Variants in NKAIN2 observed in about 807,000 individuals in gnomAD.
NKAIN2 encodes sodium/potassium transporting ATPase interacting 2.
NKAIN2 carries 14 observed loss-of-function variants against 32.6 expected under a neutral mutation model. The observed-to-expected ratio is 0.43, with a 90% CI of 0.28 to 0.67. NKAIN2 has a LOEUF of 0.67. Among genes scored for constraint, NKAIN2 ranks in the 30% least tolerant of loss-of-function variants. NKAIN2 has a pLI of 0.17. For synonymous variants in NKAIN2, 80 were observed against 87.2 expected (o/e 0.92, Z 0.46); for missense variants, 198 against 258.3 (o/e 0.77, Z 1.60).
chr6:124,110,633 A>C (rs761909487), intron 1 of NKAIN2, among the ~76,000 whole-genome samples: 4 of 152,102 alleles, frequency 2.6e-5, no homozygotes, highest in Non-Finnish European at 4.4e-5. Flanking sequence ...ACGTATCAGT[A>C]AGAACATGTA....
At chr6:124,199,418 A>C (rs1790498411) in intron 1 of NKAIN2, among the ~76,000 whole-genome samples, 1 of 152,152 alleles carries the variant, frequency 6.6e-6, no homozygotes, top group Non-Finnish European at 1.5e-5. Flanking sequence ...TTCTGCTTCA[A>C]GGATGACCAG....
At chr6:123,915,056 A>T (rs1037823104) in intron 1 of NKAIN2, among the ~76,000 whole-genome samples, 1 of 152,152 alleles carries the variant, frequency 6.6e-6, no homozygotes, top group African/African-American at 2.4e-5. Flanking sequence ...TATGTGTTCT[A>T]AGGTTTAAAA....
intron 1 of NKAIN2, among the ~76,000 whole-genome samples, chr6:124,102,786 T>A (rs951113701): frequency 1.4e-4 from 21 of 152,236 alleles, no homozygotes; most frequent in Non-Finnish European, 2.6e-4. Flanking sequence ...GTTTAAACAA[T>A]CCTTGCTTCA....
intron 2 of NKAIN2, among the ~76,000 whole-genome samples, chr6:124,344,050 G>A (rs1402412692): frequency 1.3e-5 from 2 of 152,008 alleles, no homozygotes; most frequent in Admixed American, 6.6e-5. Context: ...TTCTCCATAT[G>A]GCTAGCCAGT....
At chr6:124,172,622 C>G (rs1051961703) in intron 1 of NKAIN2, among the ~76,000 whole-genome samples, 1 of 152,014 alleles carries the variant, frequency 6.6e-6, no homozygotes, top group Non-Finnish European at 1.5e-5. Context: ...AGTATATATT[C>G]TTGTGGAAGG....
intron 4 of NKAIN2, among the ~76,000 whole-genome samples, chr6:124,729,838 G>T (rs1241261463): frequency 6.6e-6 from 1 of 151,832 alleles, no homozygotes; most frequent in Non-Finnish European, 1.5e-5. Flanking sequence ...ATCTCCTTAA[G>T]CTGATAAGCA....
At chr6:124,259,138 T>C (rs1412907838) in intron 1 of NKAIN2, among the ~76,000 whole-genome samples, 2 of 152,224 alleles carry the variant, frequency 1.3e-5, no homozygotes, top group African/African-American at 4.8e-5. Flanking sequence ...TCTGGTCTAC[T>C]GGCCTTTTGT....
intron 3 of NKAIN2, among the ~76,000 whole-genome samples, chr6:124,494,803 A>T (rs1778002042): frequency 6.6e-6 from 1 of 152,122 alleles, no homozygotes; most frequent in South Asian, 2.1e-4. Flanking sequence ...CTTTGATTGA[A>T]AAATTCCTAA....
intron 3 of NKAIN2, among the ~76,000 whole-genome samples, chr6:124,538,025 C>T (rs1421280559): frequency 6.6e-6 from 1 of 152,078 alleles, no homozygotes; most frequent in East Asian, 1.9e-4. Flanking sequence ...CTCATAATCT[C>T]TCATTTTAAA....
chr6:124,233,245 T>C (rs1582894292), intron 1 of NKAIN2, among the ~76,000 whole-genome samples: 1 of 152,176 alleles, frequency 6.6e-6, no homozygotes, highest in East Asian at 1.9e-4. Flanking sequence ...AAACAGAAGT[T>C]CACTCTATAT....
intron 1 of NKAIN2, among the ~76,000 whole-genome samples, chr6:124,123,349 G>A (rs546937370): frequency 2.0e-5 from 3 of 152,176 alleles, no homozygotes; most frequent in South Asian, 4.1e-4. Flanking sequence ...ACATGATTAC[G>A]TGGGTGAGAG....
At chr6:124,407,891 A>C (rs1015472075) in intron 3 of NKAIN2, among the ~76,000 whole-genome samples, 8 of 148,674 alleles carry the variant, frequency 5.4e-5, no homozygotes, top group African/African-American at 1.2e-4. Context: ...TGCCATTCTA[A>C]CTGGTGTGAG....
intron 1 of NKAIN2, among the ~76,000 whole-genome samples, chr6:123,903,366 A>G (rs1049724903): frequency 2.0e-5 from 3 of 152,154 alleles, no homozygotes; most frequent in African/African-American, 7.2e-5. Context: ...GAGGGAAGGA[A>G]TTTTATTTAG....
chr6:124,130,402 G>GT (rs1786413927), intron 1 of NKAIN2, among the ~76,000 whole-genome samples: 1 of 152,086 alleles, frequency 6.6e-6, no homozygotes, highest in African/African-American at 2.4e-5. Context: ...CATGAAAACT[G>GT]TAACAACATC....
At chr6:124,640,463 C>T (rs1449807247) in intron 3 of NKAIN2, among the ~76,000 whole-genome samples, 3 of 152,066 alleles carry the variant, frequency 2.0e-5, no homozygotes, top group Admixed American at 6.6e-5. Flanking sequence ...ATGCAGCTAA[C>T]TTTTCAAAGC....
intron 1 of NKAIN2, among the ~76,000 whole-genome samples, chr6:123,998,486 C>A (rs750079092): frequency 1.3e-5 from 2 of 152,052 alleles, no homozygotes; most frequent in Non-Finnish European, 2.9e-5. Flanking sequence ...CGTTTGAAAT[C>A]GAAAACCTGA....
intron 1 of NKAIN2, among the ~76,000 whole-genome samples, chr6:124,202,800 T>C (rs1790659003): frequency 6.6e-6 from 1 of 151,918 alleles, no homozygotes; most frequent in Non-Finnish European, 1.5e-5. Flanking sequence ...TTTTAATGAA[T>C]GAGAAAGACT....
At chr6:124,004,386 C>T (rs1779992585) in intron 1 of NKAIN2, among the ~76,000 whole-genome samples, 2 of 151,780 alleles carry the variant, frequency 1.3e-5, no homozygotes, top group South Asian at 2.1e-4. Flanking sequence ...CTGAGTAATT[C>T]CTGGCCAGTC....
chr6:124,468,206 T>G (rs928527382), intron 3 of NKAIN2, among the ~76,000 whole-genome samples: 3 of 152,148 alleles, frequency 2.0e-5, no homozygotes, highest in African/African-American at 7.2e-5. Flanking sequence ...TCTTTAAAAT[T>G]TTCAAGATAA....
Sources: gnomAD v4.1 joint callset for allele counts (sites outside exome capture counted in the v4.1 genomes callset) on GRCh38, gnomAD v4.1.1 for gene constraint, MANE v1.5 for transcripts, NCBI Gene and HGNC (gene_info 2026-07-23, HGNC 2026-07-21) for gene names.